NALF1: variants seen among roughly 807,000 people sequenced by gnomAD.
NALF1 encodes family with sequence similarity 155 member A.
Under a neutral mutation model 48.4 loss-of-function variants are expected in NALF1, and 3 were observed. The ratio of observed to expected loss-of-function variants is 0.06; its 90% CI spans 0.03 to 0.16. The LOEUF is 0.16. Ranked by LOEUF, NALF1 falls within the 10% of genes least tolerant of loss-of-function variation. NALF1 has a pLI of 1.00. For synonymous variants in NALF1, 262 were observed against 245.7 expected (o/e 1.07, Z -0.62); for missense variants, 526 against 571.5 (o/e 0.92, Z 0.81).
intron 1 of NALF1, among the ~76,000 whole-genome samples, chr13:107,592,767 A>T (rs957538195): frequency 6.6e-6 from 1 of 151,912 alleles, no homozygotes; most frequent in Non-Finnish European, 1.5e-5. Flanking sequence ...TTTTAGAAAA[A>T]CCTTCTTTGC....
intron 1 of NALF1, among the ~76,000 whole-genome samples, chr13:107,845,156 T>A (rs1289138242): frequency 6.6e-6 from 1 of 152,220 alleles, no homozygotes; most frequent in Non-Finnish European, 1.5e-5. Context: ...AAAGATTTTT[T>A]AAATTCTTAA....
intron 1 of NALF1, among the ~76,000 whole-genome samples, chr13:107,424,333 T>C (rs1361175710): frequency 2.6e-5 from 4 of 152,036 alleles, no homozygotes; most frequent in African/African-American, 9.7e-5. Flanking sequence ...AGATGGAGTT[T>C]TGCCACATTG....
intron 1 of NALF1, among the ~76,000 whole-genome samples, chr13:107,413,191 T>C (rs142215535): frequency 1.8e-4 from 27 of 151,444 alleles, no homozygotes; most frequent in African/African-American, 5.8e-4. Context: ...TTCCATGAAA[T>C]AGTTAGTATT....
At chr13:107,743,463 G>T (rs1248988215) in intron 1 of NALF1, among the ~76,000 whole-genome samples, 1 of 152,176 alleles carries the variant, frequency 6.6e-6, no homozygotes, top group Non-Finnish European at 1.5e-5. Context: ...GGTAATAAAG[G>T]GAATAAGAAT....
chr13:107,339,645 T>C (rs1882632292), intron 1 of NALF1, among the ~76,000 whole-genome samples: 1 of 152,208 alleles, frequency 6.6e-6, no homozygotes, highest in South Asian at 2.1e-4. Flanking sequence ...TATGCACATT[T>C]TGGAGAACTG....
rs568595325 is a variant in NALF1 at position 107,750,063 on chromosome 13, C to A, written c.915+115619G>T. Among the ~76,000 whole-genome samples the A allele has an allele frequency of 4.6e-5, 7 of 152,238 alleles. No individual in the cohort carries two copies. In the South Asian group the frequency reaches 1.2e-3, roughly 27 times the overall value. On this transcript the variant is annotated intron_variant, in intron 1 of 2. Transcript: ENST00000375915. ...TTGATCTCCTGACCTCATGATCCAC[C>A]CGCCTCAGCCTCCCAAAGTGTTTTT...
chr13:107,540,020 C>T (rs908524333), intron 1 of NALF1, among the ~76,000 whole-genome samples: 7 of 145,364 alleles, frequency 4.8e-5, no homozygotes, highest in East Asian at 2.1e-4. Flanking sequence ...AAGAGGAAAA[C>T]GACAATAGAT....
intron 1 of NALF1, among the ~76,000 whole-genome samples, chr13:107,644,065 T>C (rs1241247395): frequency 1.4e-5 from 1 of 73,024 alleles, no homozygotes; most frequent in African/African-American, 3.6e-5. Flanking sequence ...TTGACAGATA[T>C]TTATTTTTAA....
chr13:107,849,137 T>G (rs1880248065), intron 1 of NALF1, among the ~76,000 whole-genome samples: 2 of 152,218 alleles, frequency 1.3e-5, no homozygotes, highest in Non-Finnish European at 2.9e-5. Flanking sequence ...GGGATTTAGC[T>G]TCTTCCTCAT....
At chr13:107,423,700 A>G (rs952820026) in intron 1 of NALF1, among the ~76,000 whole-genome samples, 2 of 152,198 alleles carry the variant, frequency 1.3e-5, no homozygotes, top group Non-Finnish European at 2.9e-5. Context: ...ATTTCTTCTG[A>G]TGAGAATCTA....
At chr13:107,528,988 C>T (rs1053741447) in intron 1 of NALF1, among the ~76,000 whole-genome samples, 1 of 152,146 alleles carries the variant, frequency 6.6e-6, no homozygotes, top group African/African-American at 2.4e-5. Flanking sequence ...CTCTTCCTGG[C>T]TAACCCTGCT....
chr13:107,440,717 A>C (rs1422328996), intron 1 of NALF1, among the ~76,000 whole-genome samples: 2 of 152,150 alleles, frequency 1.3e-5, no homozygotes, highest in African/African-American at 4.8e-5. Flanking sequence ...ATCTTGCCTG[A>C]AATTGGATTT....
chr13:107,618,780 G>T lies in NALF1; in HGVS notation c.915+246902C>A, dbSNP rs918042718. On this transcript the variant is annotated intron_variant, in intron 1 of 2. Transcript: ENST00000375915. ...GTCATTTAGGGATACGAGGGATATT[G>T]GGGATAGACTGAGGGTCAGGGAAAG... Among the ~76,000 whole-genome samples, 4 of 152,182 alleles carry T rather than the reference G, an allele frequency of 2.6e-5. No individual in the cohort carries two copies. The East Asian group carries it at 7.7e-4, about 29-fold the overall frequency.
intron 1 of NALF1, among the ~76,000 whole-genome samples, chr13:107,793,866 C>T (rs186076845): frequency 5.6e-4 from 84 of 150,748 alleles, no homozygotes; most frequent in Non-Finnish European, 4.4e-4. Context: ...TTATTTTAGT[C>T]TTTGAAAGTT....
chr13:107,189,677 C>G (rs1439555663), intron 2 of NALF1, among the ~76,000 whole-genome samples: 6 of 152,186 alleles, frequency 3.9e-5, no homozygotes, highest in Non-Finnish European at 8.8e-5. Flanking sequence ...TGGAGACTGG[C>G]AGTCACCTGG....
At chr13:107,602,366 C>G (rs118137484) in intron 1 of NALF1, among the ~76,000 whole-genome samples, 1,541 of 152,244 alleles carry the variant, frequency 0.01, 14 homozygotes, top group Non-Finnish European at 0.015. Flanking sequence ...AAGGCACACT[C>G]GACTAAAATA....
chr13:107,183,348 T>C (rs1199715672), intron 2 of NALF1, among the ~76,000 whole-genome samples: 3 of 152,166 alleles, frequency 2.0e-5, no homozygotes, highest in Non-Finnish European at 4.4e-5. Context: ...AAACAACAGA[T>C]GCTAGAGAGG....
chr13:107,715,347 C>G (rs1490635933), intron 1 of NALF1, among the ~76,000 whole-genome samples: 1 of 152,044 alleles, frequency 6.6e-6, no homozygotes, highest in African/African-American at 2.4e-5. Context: ...GGATTACAGG[C>G]ATGTACCACC....
In NALF1 at chr13:107,553,158, G is replaced by T. The variant is rs11841853; in HGVS notation, c.915+312524C>A. On this transcript the variant is annotated intron_variant, in intron 1 of 2. Transcript: ENST00000375915. ...GTTTGCAGAGGAAATTCTACCTAAA[G>T]TTTAAAGATAAGTGGTGTTTCCTGG... 1.7e-3 allele frequency among the ~76,000 whole-genome samples: 256 copies of T among 152,240 alleles called. 2 individuals carry two copies. Among genetic ancestry groups the T allele is most frequent in the African/African-American group, 6.0e-3 (251 of 41,548 alleles).
Sources: allele counts gnomAD v4.1 joint callset (sites outside exome capture counted in the v4.1 genomes callset), GRCh38; gene constraint gnomAD v4.1.1; transcripts MANE v1.5; gene names NCBI Gene and HGNC (gene_info 2026-07-23, HGNC 2026-07-21).